Variants in PEX5 observed in about 807,000 individuals in gnomAD.
PEX5 encodes the protein peroxisomal biogenesis factor 5.
In PEX5, 52 loss-of-function variants were observed where a neutral mutation model predicts 82.9. The ratio of observed to expected loss-of-function variants is 0.63; its 90% CI spans 0.50 to 0.79. The LOEUF is 0.79. Among genes scored for constraint, PEX5 ranks in the 30% least tolerant of loss-of-function variants. The pLI, the probability that PEX5 is intolerant of heterozygous loss-of-function variation, is 0.00. For synonymous variants in PEX5, 300 were observed against 318.8 expected, an observed-to-expected ratio of 0.94 and a Z score of 0.63; for missense variants, 719 against 815.2, an observed-to-expected ratio of 0.88 and a Z score of 1.44.
chr12:7,195,127 T>C (rs1278421527), intron 5 of PEX5, among the ~76,000 whole-genome samples: 1 of 152,198 alleles, frequency 6.6e-6, no homozygotes, highest in African/African-American at 2.4e-5. Context: ...ACAGAAACTT[T>C]CATGAGTAAG....
rs1311867918 is a variant in PEX5, at chr12:7,207,683, C to T, written c.991C>T (p.Pro331Ser). The change falls in exon 11 of 16, where the codon CCC becomes TCC. Residue 331 changes from proline (P) to serine (S), a missense_variant. By Grantham distance (74) the Pro-to-Ser change is moderately conservative. Coordinates refer to ENST00000675855, the MANE Select transcript of PEX5 (RefSeq NM_001351132.2). Reference protein sequence around the residue: ...DKGYQFEEENPLRDHPQPFEE... With the variant: ...DKGYQFEEENSLRDHPQPFEE... ...GGGGTACCAGTTTGAGGAGGAGAAC[C>T]CCTTGCGTGATCACCCTCAGCCTTT... 3 of 1,613,988 alleles carry T rather than the reference C, an allele frequency of 1.9e-6. No individual in the cohort carries two copies. The highest frequency in any genetic ancestry group is 2.7e-5 in the African/African-American group (2 of 74,888).
downstream of PEX5, among the ~76,000 whole-genome samples, chr12:7,215,688 A>G (rs1945757284): frequency 2.6e-5 from 4 of 152,294 alleles, no homozygotes; most frequent in South Asian, 6.2e-4. Context: ...ACAGCTAAAC[A>G]TTTAGTACAC....
Position 7,210,477 on chromosome 12 carries a change from C to T in PEX5, c.*254C>T, listed in dbSNP as rs764792619. On this transcript the variant is annotated 3_prime_UTR_variant, in exon 16 of 16. Coordinates refer to ENST00000675855, the MANE Select transcript of PEX5 (RefSeq NM_001351132.2). ...ACATCCAGCTACAGATCTCTCTGCT[C>T]ATCATGCCCTTTCTTGGTGCTGCTT... 1.7e-5 allele frequency: 10 copies of T among 580,574 alleles called. No individual in the cohort carries two copies. The highest frequency in any genetic ancestry group is 1.5e-4 in the Admixed American group (5 of 34,342). The allele number at this position is 580,574 out of a possible 1,614,324, so 36.0% of individuals were successfully genotyped here. A position where few individuals can be genotyped will look rare whatever the true frequency, so the allele number is the denominator to read the frequency against.
chr12:7,196,080 A>T (rs1942033810), intron 5 of PEX5, among the ~76,000 whole-genome samples: 1 of 143,476 alleles, frequency 7.0e-6, no homozygotes, highest in Admixed American at 7.1e-5. Flanking sequence ...TGTATATATA[A>T]TGTATTTCTT....
chr12:7,197,993 G>C (rs1943071404), intron 5 of PEX5, among the ~76,000 whole-genome samples: 1 of 84,078 alleles, frequency 1.2e-5, no homozygotes, highest in African/African-American at 4.9e-5. Flanking sequence ...CCGTAGGCTT[G>C]TGCCTTCTCT....
rs3829816 is a variant in PEX5, at chr12:7,210,643, G to A, written c.*420G>A. ...CCAGCTTCCTTGGGCAGTGTAAGTA[G>A]GAGGTTCATCTGCTGTGCGCCTCTA... On this transcript the variant is annotated 3_prime_UTR_variant, in exon 16 of 16. Coordinates refer to ENST00000675855, the MANE Select transcript of PEX5 (RefSeq NM_001351132.2). The A allele has an allele frequency of 6.2e-6, 2 of 324,736 alleles. No homozygotes were observed. Among genetic ancestry groups the A allele is most frequent in the African/African-American group, 4.3e-5 (2 of 46,646 alleles). 20.1% of individuals were successfully genotyped at this position (324,736 alleles called of 1,614,324 possible). A position where few individuals can be genotyped will look rare whatever the true frequency, so the allele number is the denominator to read the frequency against.
At chr12:7,204,474 T>C (rs770147048) in intron 10 of PEX5, among the ~76,000 whole-genome samples, 28 of 152,224 alleles carry the variant, frequency 1.8e-4, no homozygotes, top group Non-Finnish European at 3.5e-4. Flanking sequence ...AGGAAAAATA[T>C]GATTTTGCTT....
At chr12:7,190,101 C>T (rs960292929) in intron 1 of PEX5, 6 of 1,489,620 alleles carry the variant, frequency 4.0e-6, no homozygotes, top group African/African-American at 1.4e-5. Context: ...AGCTGCTGGC[C>T]CCCAGCCCAT....
chr12:7,199,693 A>G (rs1244169761), intron 6 of PEX5, among the ~76,000 whole-genome samples: 1 of 150,062 alleles, frequency 6.7e-6, no homozygotes, highest in Non-Finnish European at 1.5e-5. Context: ...CATTGTCATC[A>G]TGGCCCGTTC....
At chr12:7,204,629 C>T (rs749488522) in intron 10 of PEX5, among the ~76,000 whole-genome samples, 193 of 152,238 alleles carry the variant, frequency 1.3e-3, no homozygotes, top group Non-Finnish European at 2.0e-3. Context: ...ATATAGATAA[C>T]ACTTTTGTTA....
intron 5 of PEX5, among the ~76,000 whole-genome samples, chr12:7,192,565 TC>T (rs913966016): frequency 2.0e-5 from 3 of 152,218 alleles, no homozygotes; most frequent in African/African-American, 7.2e-5. Flanking sequence ...TCTTCAGCTT[TC>T]CTCTTCCTGA....
Position 7,210,488 on chromosome 12 carries a change from T to G in PEX5, c.*265T>G, listed in dbSNP as rs1945435836. ...CAGATCTCTCTGCTCATCATGCCCT[T>G]TCTTGGTGCTGCTTTTTGGGTAGGA... On this transcript the variant is annotated 3_prime_UTR_variant, in exon 16 of 16. Transcript: ENST00000675855. The G allele has an allele frequency of 1.8e-6, 1 of 564,338 alleles. No homozygotes were observed. The highest frequency in any genetic ancestry group is 3.2e-6 in the Non-Finnish European group (1 of 313,478). The allele number at this position is 564,338 out of a possible 1,614,324, so 35.0% of individuals were successfully genotyped here.
chr12:7,204,140 G>C (rs904723296), intron 10 of PEX5, among the ~76,000 whole-genome samples: 1 of 152,102 alleles, frequency 6.6e-6, no homozygotes, highest in Non-Finnish European at 1.5e-5. Context: ...TTACTTCTGG[G>C]GTCTTACTGA....
downstream of PEX5, among the ~76,000 whole-genome samples, chr12:7,215,957 TAATTA>T (rs888735777): frequency 1.4e-4 from 16 of 111,218 alleles, no homozygotes; most frequent in Non-Finnish European, 2.3e-4. Flanking sequence ...TTAAATATAT[TAATTA>T]AATTAAAAAA....
chr12:7,204,124 C>G (rs1944479416), intron 10 of PEX5, among the ~76,000 whole-genome samples: 1 of 152,152 alleles, frequency 6.6e-6, no homozygotes, highest in Non-Finnish European at 1.5e-5. Context: ...GACTTAGAAG[C>G]ATATGTTACT....
chr12:7,204,393 G>A (rs1238620030), intron 10 of PEX5, among the ~76,000 whole-genome samples: 1 of 152,198 alleles, frequency 6.6e-6, no homozygotes, highest in East Asian at 1.9e-4. Context: ...TGTAATAAGG[G>A]AGCTATGCAA....
At chr12:7,192,374 G>C (rs1417416584) in intron 5 of PEX5, among the ~76,000 whole-genome samples, 1 of 152,100 alleles carries the variant, frequency 6.6e-6, no homozygotes, top group Non-Finnish European at 1.5e-5. Context: ...TGACCCTGTG[G>C]CCTTAACTGT....
chr12:7,216,196 G>A (rs901337962), downstream of PEX5, among the ~76,000 whole-genome samples: 3 of 152,180 alleles, frequency 2.0e-5, no homozygotes, highest in Admixed American at 6.5e-5. Flanking sequence ...TTGAACTCCT[G>A]ACGTCAGGTG....
At chr12:7,192,920 CAA>C (rs941958847) in intron 5 of PEX5, among the ~76,000 whole-genome samples, 3 of 152,162 alleles carry the variant, frequency 2.0e-5, no homozygotes, top group Admixed American at 1.3e-4. Flanking sequence ...TCTCCGCACA[CAA>C]GAGAAAAATC....
Sources: allele counts gnomAD v4.1 joint callset (sites outside exome capture counted in the v4.1 genomes callset), GRCh38; gene constraint gnomAD v4.1.1; transcripts MANE v1.5; gene names NCBI Gene and HGNC (gene_info 2026-07-23, HGNC 2026-07-21).